RPTOR: variants seen among roughly 807,000 people sequenced by gnomAD.
RPTOR encodes the protein regulatory associated protein of MTOR complex 1, also known as regulatory-associated protein of mTOR.
RPTOR carries 21 observed loss-of-function variants against 169.9 expected under a neutral mutation model. The observed-to-expected ratio is 0.12, with a 90% CI of 0.09 to 0.18. The LOEUF (loss-of-function observed/expected upper bound fraction) is 0.18. Among genes scored for constraint, RPTOR ranks in the 10% least tolerant of loss-of-function variants. The pLI is 1.00. For synonymous variants in RPTOR, 732 were observed against 753.2 expected, an observed-to-expected ratio of 0.97 and a Z score of 0.46; for missense variants, 1,133 against 1,855.9, an observed-to-expected ratio of 0.61 and a Z score of 7.16.
chr17:80,636,475 T>G (rs1268843902), intron 2 of RPTOR, among the ~76,000 whole-genome samples: 1 of 152,112 alleles, frequency 6.6e-6, no homozygotes, highest in Non-Finnish European at 1.5e-5. Context: ...CTGTTGTCTC[T>G]TGAGGGCCCT....
chr17:80,828,453 C>T (rs1008877808), intron 9 of RPTOR, among the ~76,000 whole-genome samples: 5 of 152,218 alleles, frequency 3.3e-5, no homozygotes, highest in Admixed American at 6.5e-5. Context: ...GGATCCGAGT[C>T]GTCTTGGTGA....
chr17:80,878,310 C>G lies in RPTOR; in HGVS notation c.1510-2105C>G, dbSNP rs986420906. Among the ~76,000 whole-genome samples, 1 of 152,192 alleles carries G rather than the reference C, an allele frequency of 6.6e-6. No homozygotes were observed. The highest frequency in any genetic ancestry group is 6.5e-5 in the Admixed American group (1 of 15,278). ...TCGCACTGCAGTTTCAGACTGCTTT[C>G]ACATGCGTGGTTTCATCTCTGACTC... On this transcript the variant is annotated intron_variant, in intron 13 of 33. Transcript: ENST00000306801. This position sits in a 1 kb window ranked among gnomAD's most constrained non-coding sequence, Gnocchi z 4.1.
At chr17:80,941,255 G>A (rs2069022863) in intron 25 of RPTOR, 1 of 153,024 alleles carries the variant, frequency 6.5e-6, no homozygotes, top group African/African-American at 2.4e-5. Flanking sequence ...CGGGGTGGAG[G>A]GGCAGGGAGC....
chr17:80,734,997 T>C (rs959379974), intron 5 of RPTOR, among the ~76,000 whole-genome samples: 6 of 152,350 alleles, frequency 3.9e-5, no homozygotes, highest in Non-Finnish European at 7.3e-5. Flanking sequence ...TATCTGTGCA[T>C]TGGCAGATTT....
intron 7 of RPTOR, among the ~76,000 whole-genome samples, chr17:80,810,250 T>G (rs1732659599): frequency 6.6e-6 from 1 of 151,820 alleles, no homozygotes; most frequent in Admixed American, 6.6e-5. Context: ...ACTTTTAGTT[T>G]TAACTTTCAT....
chr17:80,897,836 T>A (rs1044568006), intron 20 of RPTOR, among the ~76,000 whole-genome samples: 3 of 152,140 alleles, frequency 2.0e-5, no homozygotes, highest in Non-Finnish European at 2.9e-5. Flanking sequence ...GAGGTTGCAG[T>A]GAGCCAAGAT....
intron 6 of RPTOR, among the ~76,000 whole-genome samples, chr17:80,776,323 T>TC (rs2066891531): frequency 7.3e-6 from 1 of 137,880 alleles, no homozygotes; most frequent in South Asian, 2.4e-4. Flanking sequence ...CAAACTTCCT[T>TC]TTTTTTTTTT....
intron 13 of RPTOR, among the ~76,000 whole-genome samples, chr17:80,879,688 C>T (rs1039019004): frequency 6.6e-6 from 1 of 152,212 alleles, no homozygotes; most frequent in African/African-American, 2.4e-5. Flanking sequence ...TAGGCCCTCA[C>T]GACTGTGCCG....
intron 6 of RPTOR, among the ~76,000 whole-genome samples, chr17:80,772,895 C>T (rs1396431257): frequency 3.3e-5 from 5 of 152,146 alleles, no homozygotes; most frequent in African/African-American, 9.7e-5. Flanking sequence ...TGTGAACTCG[C>T]CTGGGGCTGT....
intron 7 of RPTOR, among the ~76,000 whole-genome samples, chr17:80,796,071 C>T (rs904991486): frequency 6.6e-5 from 10 of 152,234 alleles, no homozygotes; most frequent in Non-Finnish European, 8.8e-5. Flanking sequence ...AGAGGCCGTG[C>T]TCTCGAGGCC....
intron 21 of RPTOR, among the ~76,000 whole-genome samples, chr17:80,912,280 G>A (rs1296428311): frequency 6.6e-6 from 1 of 152,202 alleles, no homozygotes; most frequent in Non-Finnish European, 1.5e-5. Flanking sequence ...CAGGATGGCT[G>A]TGGCCATGGA....
rs1409984350 is a variant in RPTOR at position 80,730,539 on chromosome 17, C to T, written c.508-21C>T. ...ATTCCTGAGACGCACATGTAACGAGCGCACTTTGTGTGTTTTCTAGAACTA... is the reference window on the plus strand; with the variant it reads ...ATTCCTGAGACGCACATGTAACGAGTGCACTTTGTGTGTTTTCTAGAACTA... On this transcript the variant is annotated intron_variant, in intron 4 of 33. Transcript: ENST00000306801. This position sits in a 1 kb window ranked among gnomAD's most constrained non-coding sequence, Gnocchi z 4.2. 3.7e-6 allele frequency: 6 copies of T among 1,610,342 alleles called. No homozygotes were observed. Among genetic ancestry groups the T allele is most frequent in the East Asian group, 2.2e-5 (1 of 44,748 alleles).
At chr17:80,680,612 G>C (rs2065891201) in intron 3 of RPTOR, among the ~76,000 whole-genome samples, 1 of 152,170 alleles carries the variant, frequency 6.6e-6, no homozygotes, top group Non-Finnish European at 1.5e-5. Context: ...CTGGGCAACA[G>C]AGTGAGACTC....
chr17:80,959,712 G>A lies in RPTOR; in HGVS notation c.3478-366G>A, dbSNP rs1248626219. Among the ~76,000 whole-genome samples the A allele has an allele frequency of 6.6e-6, 1 of 152,242 alleles. No individual in the cohort carries two copies. The highest frequency in any genetic ancestry group is 2.4e-5 in the African/African-American group (1 of 41,466). On this transcript the variant is annotated intron_variant, in intron 29 of 33. Transcript: ENST00000306801. This position sits in a 1 kb window ranked among gnomAD's most constrained non-coding sequence, Gnocchi z 6.7. ...TGCTTTCCTTTTTAGGAAACAGAGAGAGGTTGGAAGTTTAATTGGCACTGA... is the reference window on the plus strand; with the variant it reads ...TGCTTTCCTTTTTAGGAAACAGAGAAAGGTTGGAAGTTTAATTGGCACTGA...
chr17:80,742,662 C>G (rs1567886169), intron 5 of RPTOR, among the ~76,000 whole-genome samples: 1 of 134,610 alleles, frequency 7.4e-6, no homozygotes, highest in Non-Finnish European at 1.6e-5. Flanking sequence ...TAAACACATG[C>G]ACATACACAT....
At chr17:80,843,108 C>A (rs7219745) in intron 10 of RPTOR, among the ~76,000 whole-genome samples, 134,572 of 152,250 alleles carry the variant, frequency 0.88, 59,652 homozygotes, top group African/African-American at 0.95. Flanking sequence ...TGAATTTTAC[C>A]ATCAGTGTGT....
chr17:80,808,491 G>A (rs1390890480), intron 7 of RPTOR, among the ~76,000 whole-genome samples: 1 of 152,152 alleles, frequency 6.6e-6, no homozygotes, highest in Non-Finnish European at 1.5e-5. Flanking sequence ...ATTTTTATTT[G>A]TTTGAAAATG....
chr17:80,705,638 T>C (rs1266202542), intron 3 of RPTOR, among the ~76,000 whole-genome samples: 1 of 152,216 alleles, frequency 6.6e-6, no homozygotes, highest in Non-Finnish European at 1.5e-5. Flanking sequence ...GTTTTCCTGT[T>C]GTTTTCCTCA....
chr17:80,691,275 GAT>G (rs1483900584), intron 3 of RPTOR, among the ~76,000 whole-genome samples: 3 of 109,154 alleles, frequency 2.7e-5, no homozygotes, highest in African/African-American at 5.8e-5. Flanking sequence ...GTGTGGGTGT[GAT>G]ATGTGTGTGT....
Sources: allele counts gnomAD v4.1 joint callset (sites outside exome capture counted in the v4.1 genomes callset), GRCh38; gene constraint gnomAD v4.1.1; non-coding constraint Gnocchi (gnomAD v3.1); transcripts MANE v1.5; gene names NCBI Gene and HGNC (gene_info 2026-07-23, HGNC 2026-07-21).